Variants in CPM observed in about 807,000 individuals in gnomAD.
The protein encoded by CPM is carboxypeptidase M.
Under a neutral mutation model 46.4 loss-of-function variants are expected in CPM, and 35 were observed. The observed-to-expected ratio is 0.75, with a 90% CI of 0.58 to 1.00. The LOEUF is 1.00. CPM is among the 50% of genes least tolerant of loss of function. The pLI is 0.00. For synonymous variants in CPM, 195 were observed against 195.3 expected (o/e 1.00, Z 0.01); for missense variants, 422 against 530.4 (o/e 0.80, Z 2.01).
Position 68,871,919 on chromosome 12 carries a change from TAGTC to T in CPM, c.292_295del (p.Asp98IlefsTer3). ...GTCTTTGCCATCACTGGTTACGAGA[TAGTC>T]AATCAGATGGAGCAGCAGCTCCCGC... On this transcript the variant is annotated frameshift_variant, in exon 4 of 9. Transcript: ENST00000551568. LOFTEE classifies it high-confidence loss of function. 1 of 1,614,074 alleles carries T rather than the reference TAGTC, an allele frequency of 6.2e-7. No individual in the cohort carries two copies. The highest frequency in any genetic ancestry group is 8.5e-7 in the Non-Finnish European group (1 of 1,180,014).
intron 4 of CPM, among the ~76,000 whole-genome samples, chr12:68,871,023 T>C (rs151320615): frequency 1.6e-3 from 246 of 152,362 alleles, no homozygotes; most frequent in African/African-American, 5.7e-3. Flanking sequence ...TGGTGAGATT[T>C]TGTTCAGCTT....
intron 7 of CPM, 82 bp downstream of exon 7, chr12:68,866,814 G>C: frequency 8.6e-7 from 1 of 1,167,868 alleles, no homozygotes; most frequent in Non-Finnish European, 1.2e-6. Context: ...CATAAATAAA[G>C]GCTTGCGTTT....
intron 1 of CPM, among the ~76,000 whole-genome samples, chr12:68,947,519 C>T (rs1433974164): frequency 6.6e-6 from 1 of 151,968 alleles, no homozygotes; most frequent in Non-Finnish European, 1.5e-5. Context: ...ATCACTTGAA[C>T]CTGGGAGGCG....
At chr12:68,886,735 C>T (rs1886448280) in intron 2 of CPM, among the ~76,000 whole-genome samples, 1 of 152,134 alleles carries the variant, frequency 6.6e-6, no homozygotes. Flanking sequence ...GCTGATGTGA[C>T]ACAGCCCCTT....
At chr12:68,936,946 T>C (rs1208222659), upstream of CPM, among the ~76,000 whole-genome samples, 2 of 152,164 alleles carry the variant, frequency 1.3e-5, no homozygotes, top group East Asian at 3.8e-4. Context: ...ATAGTAAAGG[T>C]TACCAACCTG....
intron 2 of CPM, among the ~76,000 whole-genome samples, chr12:68,918,529 A>G (rs1812863670): frequency 6.6e-6 from 1 of 152,002 alleles, no homozygotes. Flanking sequence ...CACTTCATAC[A>G]CTCAGTCGAG....
At chr12:68,912,829 G>C (rs1476920307) in intron 2 of CPM, among the ~76,000 whole-genome samples, 1 of 152,206 alleles carries the variant, frequency 6.6e-6, no homozygotes, top group Admixed American at 6.5e-5. Flanking sequence ...TCAGGGTTTT[G>C]GCAGCCTGGG....
intron 2 of CPM, among the ~76,000 whole-genome samples, chr12:68,915,896 GT>G (rs1466885074): frequency 6.6e-6 from 1 of 152,226 alleles, no homozygotes; most frequent in Non-Finnish European, 1.5e-5. Context: ...AAATGGGAAT[GT>G]AAGGAACTTA....
At chr12:68,869,640 CTTCT>C (rs1443208212) in intron 5 of CPM, 145 bp from the exon 6 acceptor site, 6 of 682,828 alleles carry the variant, frequency 8.8e-6, no homozygotes, top group African/African-American at 1.8e-5. Context: ...CTCCTCTATT[CTTCT>C]TTCTACTTTA....
At chr12:68,949,363 C>T (rs991164176) in intron 1 of CPM, among the ~76,000 whole-genome samples, 1 of 152,096 alleles carries the variant, frequency 6.6e-6, no homozygotes. Flanking sequence ...GGAGCAAAAC[C>T]CTGTCTCAGA....
At chr12:68,875,405 A>G (rs1420740970) in intron 3 of CPM, among the ~76,000 whole-genome samples, 3 of 152,118 alleles carry the variant, frequency 2.0e-5, no homozygotes, top group Non-Finnish European at 4.4e-5. Context: ...ATTACTTCAC[A>G]TTTCATAGTA....
At chr12:68,934,415 A>T (rs573046772), upstream of CPM, among the ~76,000 whole-genome samples, 5 of 152,236 alleles carry the variant, frequency 3.3e-5, no homozygotes, top group African/African-American at 1.2e-4. Flanking sequence ...ACAGATATAG[A>T]TACTTTTCCT....
intron 2 of CPM, among the ~76,000 whole-genome samples, chr12:68,920,337 G>C (rs1204190607): frequency 6.6e-6 from 1 of 152,100 alleles, no homozygotes; most frequent in Admixed American, 6.5e-5. Context: ...CTGTAGAATC[G>C]CCACATGTTA....
intron 8 of CPM, 139 bp from the exon 9 acceptor site, chr12:68,856,818 C>T: frequency 8.8e-7 from 1 of 1,140,752 alleles, no homozygotes; most frequent in South Asian, 1.6e-5. Context: ...GGGCCAGCAA[C>T]AGATTTGGTC....
intron 2 of CPM, among the ~76,000 whole-genome samples, chr12:68,921,697 CCTCT>C (rs1004373230): frequency 6.6e-6 from 1 of 152,052 alleles, no homozygotes; most frequent in African/African-American, 2.4e-5. Flanking sequence ...CCCAATTCTA[CCTCT>C]CTAAGTTATC....
Position 68,856,656 on chromosome 12 carries a change from TGG to T in CPM, c.1111_1112del (p.Pro371ThrfsTer18), listed in dbSNP as rs1271624202. The T allele has an allele frequency of 6.2e-7, 1 of 1,614,238 alleles. No homozygotes were observed. On this transcript the variant is annotated frameshift_variant, in exon 9 of 9. Transcript: ENST00000551568. LOFTEE classifies it high-confidence loss of function. ...IINVTVPGHD[P>X]HITKVIIPEK... ...CCGGAATAATCACCTTTGTGATGTG[TGG>T]ATCATGTCCAGGGACTGTAACCTGA... is the stretch of plus-strand genomic sequence containing the variant.
intron 2 of CPM, among the ~76,000 whole-genome samples, chr12:68,904,704 G>C (rs543335847): frequency 4.6e-5 from 7 of 152,274 alleles, no homozygotes; most frequent in Admixed American, 3.9e-4. Context: ...CAGAGAGGTG[G>C]GCACAAGATC....
At chr12:68,894,799 C>T (rs918613897) in intron 2 of CPM, among the ~76,000 whole-genome samples, 2 of 152,080 alleles carry the variant, frequency 1.3e-5, no homozygotes, top group Non-Finnish European at 2.9e-5. Context: ...CTTTGGAAGA[C>T]TGAGGAGGGC....
chr12:68,866,430 GC>G (rs1461835096), intron 7 of CPM, among the ~76,000 whole-genome samples: 9 of 152,106 alleles, frequency 5.9e-5, no homozygotes, highest in Non-Finnish European at 1.2e-4. Flanking sequence ...AGCAACTTCT[GC>G]CTCCCGGGTT....
Sources: allele counts gnomAD v4.1 joint callset (sites outside exome capture counted in the v4.1 genomes callset), GRCh38; gene constraint gnomAD v4.1.1; transcripts MANE v1.5; gene names NCBI Gene and HGNC (gene_info 2026-07-23, HGNC 2026-07-21).